DNAH5: variants seen among roughly 807,000 people sequenced by gnomAD.
DNAH5 encodes the protein dynein axonemal heavy chain 5.
Under a neutral mutation model 518.2 loss-of-function variants are expected in DNAH5, and 372 were observed. The ratio of observed to expected loss-of-function variants is 0.72; its 90% CI spans 0.66 to 0.78. The LOEUF (loss-of-function observed/expected upper bound fraction) is 0.78, where lower values mean the gene tolerates loss of function less well. Ranked by LOEUF, DNAH5 falls within the 30% of genes least tolerant of loss-of-function variation. DNAH5 has a pLI of 0.00. For synonymous variants in DNAH5, 2,039 were observed against 2,025.9 expected, an observed-to-expected ratio of 1.01 and a Z score of -0.17; for missense variants, 5,523 against 5,687.0, an observed-to-expected ratio of 0.97 and a Z score of 0.93.
chr5:13,731,866 T>G (rs6554807), intron 68 of DNAH5, among the ~76,000 whole-genome samples: 88,481 of 152,016 alleles, frequency 0.58, 25,829 homozygotes, highest in East Asian at 0.62. Flanking sequence ...AAGAGCAGTG[T>G]CCCACATCTG....
intron 65 of DNAH5, among the ~76,000 whole-genome samples, chr5:13,739,220 T>A (rs1337057293): frequency 2.0e-5 from 3 of 152,200 alleles, no homozygotes; most frequent in Admixed American, 1.3e-4. Context: ...AATCTCACCT[T>A]GAATTGTAAT....
chr5:13,748,099 C>T (rs1319288961), intron 65 of DNAH5, among the ~76,000 whole-genome samples: 1 of 152,210 alleles, frequency 6.6e-6, no homozygotes, highest in Non-Finnish European at 1.5e-5. Flanking sequence ...CTACAGATGG[C>T]TAGCCAGTTT....
intron 61 of DNAH5, among the ~76,000 whole-genome samples, chr5:13,754,916 C>A (rs563219676): frequency 6.6e-6 from 1 of 151,732 alleles, no homozygotes; most frequent in Non-Finnish European, 1.5e-5. Flanking sequence ...GCGAGGTGGG[C>A]GGATCACTTG....
At chr5:13,831,998 G>A (rs1367000404) in intron 35 of DNAH5, among the ~76,000 whole-genome samples, 1 of 152,042 alleles carries the variant, frequency 6.6e-6, no homozygotes, top group African/African-American at 2.4e-5. Context: ...TCCAGCTCTG[G>A]GACAAGCCCA....
At chr5:14,010,881 C>T (rs1785066873) in intron 1 of DNAH5, among the ~76,000 whole-genome samples, 1 of 129,388 alleles carries the variant, frequency 7.7e-6, no homozygotes, top group African/African-American at 2.8e-5. Context: ...ATAATAGATC[C>T]CTACAGTTAT....
rs376494152 is a variant in DNAH5 at position 13,922,288 on chromosome 5, A to T, written c.479T>A (p.Leu160Gln). 1.2e-6 allele frequency: 2 copies of T among 1,613,714 alleles called. No homozygotes were observed. The highest frequency in any genetic ancestry group is 1.1e-5 in the South Asian group (1 of 91,068). Residue 160 changes from leucine (L) to glutamine (Q), a missense_variant, in exon 5 of 79, where the codon CTG (leucine) becomes CAG (glutamine). Around this residue, in one of 3 missense-constraint regions of DNAH5, gnomAD observed 5,121 missense variants for 5,223.3 expected, o/e 0.98. Coordinates refer to ENST00000265104, the MANE Select transcript of DNAH5 (RefSeq NM_001369.3). The part of the protein sequence containing the change: ...FNMLDAADGG[L>Q]LNSVRRLLSD... ...CAGCAAACGTCTCACACTGTTGAGC[A>T]GGCCTCCATCTGCCGCATCTAACAT...
chr5:13,951,711 A>G (rs968601523), intron 1 of DNAH5, among the ~76,000 whole-genome samples: 1 of 152,198 alleles, frequency 6.6e-6, no homozygotes, highest in Admixed American at 6.5e-5. Context: ...CCATCAACAG[A>G]CACACACCAC....
intron 21 of DNAH5, 30 bp downstream of exon 21, chr5:13,882,698 C>A (rs201018303): frequency 6.6e-7 from 1 of 1,513,654 alleles, no homozygotes; most frequent in Middle Eastern, 1.7e-4. Context: ...ATTTACAATG[C>A]CTCTTTTAAA....
chr5:13,916,734 A>G (rs1295919889), intron 8 of DNAH5, among the ~76,000 whole-genome samples: 1 of 152,144 alleles, frequency 6.6e-6, no homozygotes, highest in African/African-American at 2.4e-5. Flanking sequence ...TAAACTGTTA[A>G]TAACAGTTAA....
chr5:13,946,891 A>G (rs950693793), upstream of DNAH5, among the ~76,000 whole-genome samples: 1 of 152,258 alleles, frequency 6.6e-6, no homozygotes, highest in African/African-American at 2.4e-5. Context: ...TACACTATGA[A>G]TAGAACAGCT....
At chr5:13,919,485 A>G (rs541143266) in intron 6 of DNAH5, 133 bp from the exon 7 acceptor site, 5 of 1,087,838 alleles carry the variant, frequency 4.6e-6, no homozygotes, top group South Asian at 3.2e-5. Flanking sequence ...CATGCTTCCA[A>G]TAACAATCTT....
In DNAH5 at chr5:13,809,095, A is replaced by C. The variant is rs754823809; in HGVS notation, c.7701T>G (p.Val2567=). ...TTAGAAAGTCAGTCCTCACATTGTC[A>C]ACATTTGGCACCAGAATAGAACCAT... ...PEYGSILVPN[V]DNVRTDFLIQ... is the part of the protein sequence containing the mutation. The change falls in exon 46 of 79, where the codon GTT becomes GTG. Residue 2567 remains valine (V), a synonymous_variant. Transcript: ENST00000265104. 6.2e-7 allele frequency: 1 copy of C among 1,614,210 alleles called. No homozygotes were observed. Among genetic ancestry groups the C allele is most frequent in the Non-Finnish European group, 8.5e-7 (1 of 1,180,032 alleles).
chr5:13,778,645 C>T (rs116336655), intron 53 of DNAH5, among the ~76,000 whole-genome samples: 2,498 of 151,442 alleles, frequency 0.016, 80 homozygotes, highest in African/African-American at 0.058. Flanking sequence ...AACATCTCAC[C>T]CAGCTTCTTG....
chr5:13,866,110 T>C (rs189571537), intron 26 of DNAH5, 110 bp downstream of exon 26: 85 of 1,029,846 alleles, frequency 8.3e-5, no homozygotes, highest in Non-Finnish European at 1.3e-4. Context: ...TGCAAGTACA[T>C]ACCATATTCC....
chr5:13,716,996 A>G (rs1744377923), intron 73 of DNAH5, among the ~76,000 whole-genome samples: 1 of 152,156 alleles, frequency 6.6e-6, no homozygotes, highest in Non-Finnish European at 1.5e-5. Context: ...CACACTTCCA[A>G]CTGATCTGGA....
intron 63 of DNAH5, 120 bp from the exon 64 acceptor site, chr5:13,752,409 ATCCAAAATG>A (rs1750369743): frequency 8.2e-7 from 1 of 1,224,454 alleles, no homozygotes; most frequent in African/African-American, 1.5e-5. Flanking sequence ...CAAATTGAGC[ATCCAAAATG>A]TTCCCAAATA....
At chr5:13,849,119 C>T (rs795537) in intron 31 of DNAH5, among the ~76,000 whole-genome samples, 73,175 of 152,068 alleles carry the variant, frequency 0.48, 17,810 homozygotes, top group South Asian at 0.54. Flanking sequence ...TAGTTACATA[C>T]GTTTAGACTC....
chr5:13,757,620 A>C (rs1159584804), intron 61 of DNAH5, among the ~76,000 whole-genome samples: 1 of 152,220 alleles, frequency 6.6e-6, no homozygotes, highest in Non-Finnish European at 1.5e-5. Context: ...AACCTCTAGA[A>C]TGGGAGAAAA....
chr5:13,928,630 C>A (rs1778114475), intron 2 of DNAH5, among the ~76,000 whole-genome samples: 1 of 152,170 alleles, frequency 6.6e-6, no homozygotes, highest in Non-Finnish European at 1.5e-5. Flanking sequence ...TATGAACACA[C>A]CTTCCAGTAA....
Sources: allele counts gnomAD v4.1 joint callset (sites outside exome capture counted in the v4.1 genomes callset), GRCh38; gene constraint gnomAD v4.1.1; regional missense constraint gnomAD v4.1.1; transcripts MANE v1.5; gene names NCBI Gene and HGNC (gene_info 2026-07-23, HGNC 2026-07-21).